MED27: variants seen among roughly 807,000 people sequenced by gnomAD.
The protein encoded by MED27 is mediator of RNA polymerase II transcription subunit 27.
Under a neutral mutation model 38.2 loss-of-function variants are expected in MED27, and 30 were observed. That is an observed-to-expected ratio of 0.79 (90% confidence interval 0.59 to 1.07). The LOEUF is 1.07. MED27 is among the 50% of genes least tolerant of loss of function. The pLI, the probability that MED27 is intolerant of heterozygous loss-of-function variation, is 0.00. For missense variants in MED27, 289 were observed against 397.5 expected, an observed-to-expected ratio of 0.73 and a Z score of 2.32; for synonymous variants, 122 against 153.5, an observed-to-expected ratio of 0.79 and a Z score of 1.52.
chr9:132,043,046 T>C (rs943083322), intron 2 of MED27, among the ~76,000 whole-genome samples: 1 of 152,096 alleles, frequency 6.6e-6, no homozygotes, highest in Admixed American at 6.5e-5. Flanking sequence ...CTCTCAGTAA[T>C]AAGAGCACTG....
At chr9:131,939,587 T>A (rs1028945754) in intron 3 of MED27, 113 bp from the exon 4 acceptor site, 2 of 581,372 alleles carry the variant, frequency 3.4e-6, no homozygotes, top group East Asian at 6.7e-5. Context: ...ATATAACACA[T>A]TTTTAAGAAG....
intron 4 of MED27, among the ~76,000 whole-genome samples, chr9:131,904,244 G>A (rs749187589): frequency 4.6e-5 from 7 of 151,904 alleles, no homozygotes; most frequent in Admixed American, 1.3e-4. Context: ...TTGCCATGTT[G>A]CCCAGGCTGG....
chr9:132,044,467 G>C (rs117141773), intron 2 of MED27, among the ~76,000 whole-genome samples: 1 of 152,364 alleles, frequency 6.6e-6, no homozygotes, highest in Non-Finnish European at 1.5e-5. Context: ...GACAGAGATG[G>C]AGAGAGTAAC....
At chr9:132,061,690 C>A (rs946984033) in intron 2 of MED27, among the ~76,000 whole-genome samples, 2 of 152,330 alleles carry the variant, frequency 1.3e-5, no homozygotes, top group Admixed American at 6.5e-5. Flanking sequence ...GGCTGGCACC[C>A]AGGCCACCCA....
At chr9:131,980,947 C>T (rs551580291) in intron 3 of MED27, among the ~76,000 whole-genome samples, 33 of 152,188 alleles carry the variant, frequency 2.2e-4, no homozygotes, top group African/African-American at 7.7e-4. Context: ...TTCAGTCACC[C>T]CAAATTTTTG....
intron 4 of MED27, among the ~76,000 whole-genome samples, chr9:131,902,115 G>C (rs918927754): frequency 6.6e-6 from 1 of 152,082 alleles, no homozygotes; most frequent in Admixed American, 6.5e-5. Flanking sequence ...AAGCCTTGCC[G>C]ATCGAGACTC....
At chr9:131,907,222 C>T (rs1402308643) in intron 4 of MED27, among the ~76,000 whole-genome samples, 1 of 151,790 alleles carries the variant, frequency 6.6e-6, no homozygotes, top group Non-Finnish European at 1.5e-5. Flanking sequence ...TCCCTCTCCC[C>T]ACGGTCTCCC....
At chr9:132,009,436 G>A (rs1832434507) in intron 3 of MED27, among the ~76,000 whole-genome samples, 1 of 152,206 alleles carries the variant, frequency 6.6e-6, no homozygotes, top group Non-Finnish European at 1.5e-5. Context: ...TCTGAGATTA[G>A]GTCATAAAAA....
intron 3 of MED27, among the ~76,000 whole-genome samples, chr9:131,944,347 G>A (rs1830842130): frequency 6.6e-6 from 1 of 152,010 alleles, no homozygotes; most frequent in Non-Finnish European, 1.5e-5. Flanking sequence ...GCAACCCCTT[G>A]CATTGCCTGA....
chr9:131,971,216 A>G (rs544045968), intron 3 of MED27, among the ~76,000 whole-genome samples: 1 of 152,364 alleles, frequency 6.6e-6, no homozygotes, highest in East Asian at 1.9e-4. Flanking sequence ...TTAAAACTTT[A>G]ATAATGAAAA....
At chr9:131,930,871 G>C (rs1422067185) in intron 4 of MED27, among the ~76,000 whole-genome samples, 1 of 152,194 alleles carries the variant, frequency 6.6e-6, no homozygotes, top group Non-Finnish European at 1.5e-5. Flanking sequence ...CCATGAAAAA[G>C]TGTAGAGTTA....
At chr9:132,017,403 T>C (rs903643304) in intron 2 of MED27, among the ~76,000 whole-genome samples, 2 of 152,210 alleles carry the variant, frequency 1.3e-5, no homozygotes, top group Non-Finnish European at 2.9e-5. Flanking sequence ...ATATTTTCTA[T>C]AAAAATATAT....
intron 4 of MED27, among the ~76,000 whole-genome samples, chr9:131,901,265 A>G (rs4237117): frequency 0.1 from 15,918 of 152,266 alleles, 1,404 homozygotes; most frequent in East Asian, 0.39. Flanking sequence ...TGCAGTGAAC[A>G]ATGTCTTGTT....
At chr9:131,914,368 C>T (rs1830248742) in intron 4 of MED27, among the ~76,000 whole-genome samples, 1 of 152,174 alleles carries the variant, frequency 6.6e-6, no homozygotes, top group Non-Finnish European at 1.5e-5. Context: ...TGCTAATTTG[C>T]TAGGCAGGCA....
intron 2 of MED27, among the ~76,000 whole-genome samples, chr9:132,032,820 A>C (rs1832991783): frequency 6.6e-6 from 1 of 152,072 alleles, no homozygotes; most frequent in Non-Finnish European, 1.5e-5. Context: ...CCTGCGCCCA[A>C]GCCACTCTTC....
intron 3 of MED27, among the ~76,000 whole-genome samples, chr9:132,006,364 G>A (rs928965806): frequency 5.9e-5 from 9 of 152,148 alleles, no homozygotes; most frequent in Admixed American, 5.2e-4. Flanking sequence ...TTGCTCAGAG[G>A]CAAACTAAAT....
At chr9:132,004,007 T>C (rs1272036427) in intron 3 of MED27, among the ~76,000 whole-genome samples, 2 of 152,156 alleles carry the variant, frequency 1.3e-5, no homozygotes, top group African/African-American at 2.4e-5. Flanking sequence ...CTCCTCACTC[T>C]GTCTCTCTCT....
chr9:131,927,679 C>T (rs1001849789), intron 4 of MED27, among the ~76,000 whole-genome samples: 5 of 152,144 alleles, frequency 3.3e-5, no homozygotes, highest in African/African-American at 7.2e-5. Context: ...TGATTGGCCC[C>T]GAAGCCCTGG....
intron 2 of MED27, among the ~76,000 whole-genome samples, chr9:132,072,672 C>CG (rs1163504976): frequency 2.6e-4 from 39 of 151,980 alleles, no homozygotes; most frequent in African/African-American, 9.2e-4. Flanking sequence ...TGGGGTGCTA[C>CG]GAAGGTTAGA....
Sources: gnomAD v4.1 joint callset for allele counts (sites outside exome capture counted in the v4.1 genomes callset) on GRCh38, gnomAD v4.1.1 for gene constraint, MANE v1.5 for transcripts, NCBI Gene and HGNC (gene_info 2026-07-23, HGNC 2026-07-21) for gene names.